Variants in HIVEP3 observed in about 807,000 individuals in gnomAD.
HIVEP3 encodes the protein HIVEP zinc finger 3, also known as transcription factor HIVEP3.
A neutral mutation model predicts 152.8 loss-of-function variants in HIVEP3; 49 were observed. The ratio of observed to expected loss-of-function variants is 0.32; its 90% CI spans 0.26 to 0.41. The LOEUF is 0.41. HIVEP3 is among the 10% of genes least tolerant of loss of function. HIVEP3 has a pLI of 1.00. For synonymous variants in HIVEP3, 1,269 were observed against 1,289.0 expected (o/e 0.98, Z 0.33); for missense variants, 2,790 against 3,103.3 (o/e 0.90, Z 2.40).
chr1:41,565,863 AGGGCTCAGAGCTCT>A (rs1644155105), intron 5 of HIVEP3, among the ~76,000 whole-genome samples: 1 of 152,244 alleles, frequency 6.6e-6, no homozygotes, highest in Non-Finnish European at 1.5e-5. Flanking sequence ...CTTCCCTGAC[AGGGCTCAGAGCTCT>A]GGAAGGCTCT....
chr1:41,718,182 C>T (rs1646623685), intron 1 of HIVEP3, among the ~76,000 whole-genome samples: 1 of 152,252 alleles, frequency 6.6e-6, no homozygotes, highest in Non-Finnish European at 1.5e-5. Flanking sequence ...AGGTCTGGTG[C>T]ACTGAATGTC....
intron 1 of HIVEP3, among the ~76,000 whole-genome samples, chr1:41,975,961 T>C (rs1309345591): frequency 6.6e-6 from 1 of 152,174 alleles, no homozygotes; most frequent in East Asian, 1.9e-4. Flanking sequence ...CAGCCAGCAC[T>C]TCCCTAAGGG....
chr1:41,868,195 G>A (rs1004502028), intron 1 of HIVEP3, among the ~76,000 whole-genome samples: 22 of 62,968 alleles, frequency 3.5e-4, no homozygotes, highest in Non-Finnish European at 2.2e-4. Flanking sequence ...TAGTTTGTGG[G>A]GGTTTTTTTT....
At chr1:41,678,229 G>A (rs112546531) in intron 2 of HIVEP3, among the ~76,000 whole-genome samples, 8 of 152,286 alleles carry the variant, frequency 5.3e-5, no homozygotes, top group African/African-American at 1.9e-4. Context: ...CTCCTGGGCC[G>A]CTGGGACCTG....
intron 1 of HIVEP3, chr1:41,864,568 C>T (rs923472786): frequency 3.3e-5 from 5 of 152,234 alleles, no homozygotes; most frequent in African/African-American, 1.2e-4. Context: ...AAGTAGACCA[C>T]CTGGCTCACC....
intron 1 of HIVEP3, among the ~76,000 whole-genome samples, chr1:41,716,034 A>T (rs999502714): frequency 6.6e-6 from 1 of 152,226 alleles, no homozygotes; most frequent in Admixed American, 6.5e-5. Flanking sequence ...TAGTCCTTGA[A>T]GCAGGAGAAC....
chr1:41,659,182 T>C (rs906951587), intron 2 of HIVEP3, among the ~76,000 whole-genome samples: 2 of 152,228 alleles, frequency 1.3e-5, no homozygotes, highest in Non-Finnish European at 2.9e-5. Context: ...CCTTTGTACC[T>C]GCTGTTCTTC....
rs1263446527 is a variant in HIVEP3 at position 41,518,439 on chromosome 1, T to C, written c.5433A>G (p.Gln1811=). Residue 1811 remains glutamine (Q), a synonymous_variant, in exon 7 of 9, where the codon CAA becomes CAG. Coordinates refer to ENST00000372583, the MANE Select transcript of HIVEP3 (RefSeq NM_024503.5). ...CCAGCTCCTCCAGCACCCCTGTCTC[T>C]TGGCACTTTTTGCTGTGGGCCTTCG... ...MKSKAHSKKC[Q]ETGVLEELEA... The C allele has an allele frequency of 6.2e-7, 1 of 1,614,216 alleles. No individual in the cohort carries two copies. Among genetic ancestry groups the C allele is most frequent in the Non-Finnish European group, 8.5e-7 (1 of 1,180,028 alleles).
chr1:41,627,880 A>ATCCCTCCC (rs765316471), intron 3 of HIVEP3, among the ~76,000 whole-genome samples: 17 of 150,460 alleles, frequency 1.1e-4, no homozygotes, highest in Admixed American at 4.6e-4. Context: ...CCCTCCGTCC[A>ATCCCTCCC]TCCCTCCCTC....
chr1:41,547,342 G>A lies in HIVEP3; in HGVS notation c.5208-22432C>T, dbSNP rs577014437. Among the ~76,000 whole-genome samples the A allele has an allele frequency of 4.6e-5, 7 of 152,308 alleles. No homozygotes were observed. The East Asian group carries it at 9.6e-4, about 21-fold the overall frequency. Reference sequence around the variant, plus strand: ...TCAAGCTAAGGGAAAATAATCAGTCGGTCTTGGGGTTTGGAAGGATAGCTG... The same window carrying A: ...TCAAGCTAAGGGAAAATAATCAGTCAGTCTTGGGGTTTGGAAGGATAGCTG... On this transcript the variant is annotated intron_variant, in intron 5 of 8. Transcript: ENST00000372583.
intron 1 of HIVEP3, among the ~76,000 whole-genome samples, chr1:41,735,173 C>A (rs1476816215): frequency 6.6e-6 from 1 of 152,244 alleles, no homozygotes; most frequent in Non-Finnish European, 1.5e-5. Context: ...GAGGTGGAAT[C>A]ATCTTGCCCA....
At chr1:41,544,067 A>G (rs1366933835) in intron 5 of HIVEP3, 2 of 152,076 alleles carry the variant, frequency 1.3e-5, no homozygotes, top group African/African-American at 2.4e-5. Flanking sequence ...TGGAGTAGGA[A>G]GCAACACCTT....
At chr1:41,812,476 A>C (rs1162000230) in intron 1 of HIVEP3, among the ~76,000 whole-genome samples, 1 of 152,088 alleles carries the variant, frequency 6.6e-6, no homozygotes, top group African/African-American at 2.4e-5. Context: ...AAAATAAATA[A>C]GATGTCATGG....
At chr1:41,921,467 T>C (rs1252479598), upstream of HIVEP3, among the ~76,000 whole-genome samples, 2 of 152,208 alleles carry the variant, frequency 1.3e-5, no homozygotes, top group Non-Finnish European at 2.9e-5. Flanking sequence ...CTCTCTTGCC[T>C]GCCACCATGT....
chr1:41,959,704 A>C (rs1183398051), intron 1 of HIVEP3, among the ~76,000 whole-genome samples: 1 of 152,188 alleles, frequency 6.6e-6, no homozygotes, highest in Non-Finnish European at 1.5e-5. Context: ...CTGGGGGACA[A>C]AGCAGGAGTG....
chr1:41,824,814 GAGAGAA>G (rs1385377138), intron 1 of HIVEP3, among the ~76,000 whole-genome samples: 142 of 10,304 alleles, frequency 0.014, 5 homozygotes, highest in African/African-American at 0.03. Context: ...GAGAGAGAGA[GAGAGAA>G]AGAGAGAGAG....
chr1:41,952,035 A>G (rs1408948), intron 1 of HIVEP3, among the ~76,000 whole-genome samples: 120,513 of 152,108 alleles, frequency 0.79, 48,364 homozygotes, highest in East Asian at 0.96. Flanking sequence ...GGACTGGAAG[A>G]TTCTGAAGGC....
intron 1 of HIVEP3, among the ~76,000 whole-genome samples, chr1:41,835,325 T>C (rs1305432659): frequency 6.6e-6 from 1 of 152,186 alleles, no homozygotes; most frequent in Non-Finnish European, 1.5e-5. Context: ...GAGGGCTCTC[T>C]TCCTGGCTTG....
At chr1:41,588,917 G>C (rs908091398) in intron 3 of HIVEP3, among the ~76,000 whole-genome samples, 1 of 152,128 alleles carries the variant, frequency 6.6e-6, no homozygotes, top group African/African-American at 2.4e-5. Context: ...GGGGGAGAAG[G>C]GCAGCCAGGA....
Sources: gnomAD v4.1 joint callset for allele counts (sites outside exome capture counted in the v4.1 genomes callset) on GRCh38, gnomAD v4.1.1 for gene constraint, MANE v1.5 for transcripts, NCBI Gene and HGNC (gene_info 2026-07-23, HGNC 2026-07-21) for gene names.